FANCA: variants seen among roughly 807,000 people sequenced by gnomAD.
FANCA encodes the protein FA complementation group A.
In FANCA, 236 loss-of-function variants were observed where a neutral mutation model predicts 194.3. The observed-to-expected ratio is 1.21, with a 90% CI of 1.09 to 1.35. The LOEUF (loss-of-function observed/expected upper bound fraction) is 1.35, where lower values mean the gene tolerates loss of function less well. FANCA is among the 40% of genes most tolerant of loss of function. The pLI is 0.00. For missense variants in FANCA, 2,628 were observed against 1,813.9 expected (o/e 1.45, Z -8.15); for synonymous variants, 1,014 against 715.8 (o/e 1.42, Z -6.65).
chr16:89,741,714 A>G (rs967766818), intron 37 of FANCA, among the ~76,000 whole-genome samples: 2 of 152,134 alleles, frequency 1.3e-5, no homozygotes, highest in Non-Finnish European at 1.5e-5. Context: ...CCCTATGCCT[A>G]TGGCTGCAGA....
Position 89,738,427 on chromosome 16 carries a change from C to G in FANCA, c.*174G>C, listed in dbSNP as rs984981073. On this transcript the variant is annotated 3_prime_UTR_variant, in exon 43 of 43. Transcript: ENST00000389301. ...TGCTCTGGGACCAGTGGTTTATTTTCCCGCAAACGCTGAGTGACTCGGGGC... is the reference window on the plus strand; with the variant it reads ...TGCTCTGGGACCAGTGGTTTATTTTGCCGCAAACGCTGAGTGACTCGGGGC... The G allele has an allele frequency of 1.0e-5, 14 of 1,370,398 alleles. No individual in the cohort carries two copies. Among genetic ancestry groups the G allele is most frequent in the Non-Finnish European group, 1.4e-5 (14 of 1,007,702 alleles). The allele number at this position is 1,370,398 out of a possible 1,614,324, so 84.9% of individuals were successfully genotyped here.
At position 89,783,040 on chromosome 16, in the gene FANCA, G is replaced by C. The variant is rs1435511110; in HGVS notation, c.1533C>G (p.Ile511Met). The C allele has an allele frequency of 6.2e-7, 1 of 1,613,824 alleles. No homozygotes were observed. The highest frequency in any genetic ancestry group is 8.5e-7 in the Non-Finnish European group (1 of 1,179,810). Residue 511 changes from isoleucine (I) to methionine (M), a missense_variant, in exon 16 of 43, where the codon ATC (isoleucine) becomes ATG (methionine). Physicochemically the swap from Ile to Met is conservative, Grantham distance 10. Transcript: ENST00000389301. ...CGGCCAGCCGTGTCTTGGCCAATGA[G>C]ATGTAGTCTGTGAGGAGGGAGCGGT... ...GKYRSLLTDY[I>M]SLAKTRLADL...
chr16:89,805,175 C>T (rs779085417), intron 7 of FANCA, 105 bp downstream of exon 7: 20 of 874,806 alleles, frequency 2.3e-5, no homozygotes, highest in Admixed American at 4.0e-5. Context: ...CCCACGGCCA[C>T]GGAGAGACAG....
chr16:89,790,355 G>A (rs7205053), intron 14 of FANCA, among the ~76,000 whole-genome samples: 1 of 151,254 alleles, frequency 6.6e-6, no homozygotes, highest in African/African-American at 2.4e-5. Context: ...GGTCGCACCA[G>A]TGCACTCCAG....
chr16:89,737,642 A>C lies in FANCA; in HGVS notation c.*959T>G. The C allele has an allele frequency of 8.0e-6, 11 of 1,368,284 alleles. No individual in the cohort carries two copies. The highest frequency in any genetic ancestry group is 1.1e-5 in the Non-Finnish European group (11 of 1,028,694). The allele number at this position is 1,368,284 out of a possible 1,614,324, so 84.8% of individuals were successfully genotyped here. A position where few individuals can be genotyped will look rare whatever the true frequency, so the allele number is the denominator to read the frequency against. On this transcript the variant is annotated 3_prime_UTR_variant, in exon 43 of 43. Transcript: ENST00000389301. ...TGACAGTGTATAAAGCAGTTTAAAG[A>C]TCTTAATAAACGAGGCCCTCATAGG...
intron 6 of FANCA, among the ~76,000 whole-genome samples, chr16:89,806,347 C>CTTTTTTTTTTTTT (rs34862478): frequency 9.1e-6 from 1 of 110,452 alleles, no homozygotes; most frequent in African/African-American, 3.6e-5. Flanking sequence ...CTATATCATT[C>CTTTTTTTTTTTTT]TTTTTTTTTT....
intron 37 of FANCA, among the ~76,000 whole-genome samples, chr16:89,741,200 G>A (rs902021289): frequency 6.6e-6 from 1 of 152,196 alleles, no homozygotes; most frequent in African/African-American, 2.4e-5. Flanking sequence ...TGTCAGAAGT[G>A]TTTGTAAAAT....
chr16:89,792,593 A>T, intron 11 of FANCA, 46 bp from the exon 12 acceptor site: 1 of 1,559,618 alleles, frequency 6.4e-7, no homozygotes, highest in Non-Finnish European at 8.6e-7. Context: ...GAGATCAAAA[A>T]GTTGTGGGTT....
At chr16:89,770,321 G>C in intron 24 of FANCA, 62 bp from the exon 25 acceptor site, 2 of 1,409,438 alleles carry the variant, frequency 1.4e-6, no homozygotes, top group East Asian at 2.5e-5. Context: ...CCCTCCAACA[G>C]CTAATCCAAC....
At chr16:89,739,622 C>T in intron 39 of FANCA, 69 bp from the exon 40 acceptor site, 3 of 1,531,634 alleles carry the variant, frequency 2.0e-6, no homozygotes, top group Non-Finnish European at 2.7e-6. Context: ...GGGGACACCC[C>T]TGGGGGTCGG....
chr16:89,756,610 AC>A (rs1348824760), intron 30 of FANCA, among the ~76,000 whole-genome samples: 2 of 152,142 alleles, frequency 1.3e-5, no homozygotes, highest in Non-Finnish European at 2.9e-5. Context: ...ACAAAGAAAG[AC>A]CCAGTTTCAA....
At chr16:89,789,003 G>A (rs1259090636) in intron 14 of FANCA, among the ~76,000 whole-genome samples, 5 of 151,920 alleles carry the variant, frequency 3.3e-5, no homozygotes, top group African/African-American at 9.7e-5. Context: ...AGAAAAAGCA[G>A]CCCAGGGAGA....
chr16:89,769,655 A>C (rs1217953251), intron 26 of FANCA, 182 bp downstream of exon 26: 7 of 686,854 alleles, frequency 1.0e-5, no homozygotes, highest in Non-Finnish European at 1.5e-5. Context: ...CAAAGAAACA[A>C]ACGCACGCAT....
chr16:89,756,618 T>C (rs540111152), intron 30 of FANCA, among the ~76,000 whole-genome samples: 7 of 152,210 alleles, frequency 4.6e-5, no homozygotes, highest in Admixed American at 2.0e-4. Context: ...AGACCCAGTT[T>C]CAAAATAAAT....
In FANCA at chr16:89,744,962, C is replaced by A. The variant is rs1351484293; in HGVS notation, c.3623G>T (p.Ser1208Ile). 13 of 1,611,746 alleles carry A rather than the reference C, an allele frequency of 8.1e-6. No individual in the cohort carries two copies. Among genetic ancestry groups the A allele is most frequent in the Non-Finnish European group, 1.1e-5 (13 of 1,179,790 alleles). ...QKLQEGRQFA[S>I]DFLSPEAASP... is the part of the protein sequence containing the mutation. ...CCATCTCACCACCCACACGTACTCG[C>A]TGGCAAACTGCCGGCCTTCTTGTAG... is the stretch of plus-strand genomic sequence containing the variant. Residue 1208 changes from serine to isoleucine, a missense_variant, in exon 36 of 43, where the codon AGC becomes ATC. Ser to Ile is a moderately radical substitution (Grantham distance 142, BLOSUM62 -2). Transcript: ENST00000389301.
chr16:89,792,137 T>C (rs1598153076), intron 12 of FANCA, 69 bp from the exon 13 acceptor site: 7 of 1,594,322 alleles, frequency 4.4e-6, no homozygotes, highest in Non-Finnish European at 6.0e-6. Context: ...CCCCTCACCT[T>C]CCTCCCAGCC....
intron 22 of FANCA, 49 bp downstream of exon 22, chr16:89,773,222 C>A (rs1262508927): frequency 7.0e-7 from 1 of 1,435,666 alleles, no homozygotes; most frequent in Non-Finnish European, 9.6e-7. Flanking sequence ...AGAGCTCCAA[C>A]CACAGGCTGC....
chr16:89,744,417 C>T (rs567374975), intron 36 of FANCA, among the ~76,000 whole-genome samples: 54 of 152,194 alleles, frequency 3.5e-4, no homozygotes, highest in Middle Eastern at 6.8e-3. Flanking sequence ...GCCTGGATTG[C>T]GCCAGGAGCT....
At chr16:89,791,803 T>G (rs930134118) in intron 13 of FANCA, 124 bp downstream of exon 13, 2 of 1,271,078 alleles carry the variant, frequency 1.6e-6, no homozygotes, top group African/African-American at 3.0e-5. Flanking sequence ...CAGGAGGCAC[T>G]GCAGGTTCCG....
Sources: allele counts gnomAD v4.1 joint callset (sites outside exome capture counted in the v4.1 genomes callset), GRCh38; gene constraint gnomAD v4.1.1; transcripts MANE v1.5; gene names NCBI Gene and HGNC (gene_info 2026-07-23, HGNC 2026-07-21).